The following CCDC39 variants were observed in gnomAD, a reference collection of about 807,000 sequenced individuals.
The protein encoded by CCDC39 is coiled-coil domain 39 molecular ruler complex subunit, also known as coiled-coil domain-containing protein 39.
In CCDC39, 113 loss-of-function variants were observed where a neutral mutation model predicts 121.0. The ratio of observed to expected loss-of-function variants is 0.93; its 90% CI spans 0.80 to 1.09. The LOEUF is 1.09. CCDC39 is among the 50% of genes least tolerant of loss of function. The pLI is 0.00. For missense variants in CCDC39, 1,063 were observed against 1,074.7 expected (o/e 0.99, Z 0.15); for synonymous variants, 349 against 352.2 (o/e 0.99, Z 0.10).
intron 1 of CCDC39, among the ~76,000 whole-genome samples, chr3:180,673,862 T>C (rs963841391): frequency 6.6e-6 from 1 of 151,338 alleles, no homozygotes; most frequent in Non-Finnish European, 1.5e-5. Flanking sequence ...CTTGAAGAGC[T>C]GATGCTTTAA....
At chr3:180,619,495 A>C (rs1226841304) in intron 15 of CCDC39, 130 bp from the exon 16 acceptor site, 1 of 635,746 alleles carries the variant, frequency 1.6e-6, no homozygotes, top group Non-Finnish European at 2.7e-6. Flanking sequence ...TTGTAGAAAA[A>C]CACTATGGGC....
chr3:180,627,949 C>T lies in CCDC39; in HGVS notation c.1998+3520G>A, dbSNP rs547491016. 9.2e-5 allele frequency among the ~76,000 whole-genome samples: 14 copies of T among 152,264 alleles called. No individual in the cohort carries two copies. The South Asian group carries it at 2.9e-3, about 32-fold the overall frequency. ...TGGAGGTCATTAGGTTGGTCCTAAT[C>T]TGATATAACTGGTATCCTTATTAAA... On this transcript the variant is annotated intron_variant, in intron 14 of 19. Coordinates refer to ENST00000476379, the MANE Select transcript of CCDC39 (RefSeq NM_181426.2).
intron 11 of CCDC39, 121 bp downstream of exon 11, chr3:180,646,958 C>G: frequency 2.5e-6 from 2 of 791,686 alleles, no homozygotes; most frequent in Non-Finnish European, 4.0e-6. Flanking sequence ...ATTGTTCATA[C>G]ATTTGTTATA....
rs193203051 is a variant in CCDC39, at chr3:180,653,058, A to G, written c.931-792T>C. On this transcript the variant is annotated intron_variant, in intron 7 of 19. Transcript: ENST00000476379. ...GATTGGAAGAATTAATACTGTTAAC[A>G]TGGTCATACTATTCAAAGCGATCTA... Among the ~76,000 whole-genome samples the G allele has an allele frequency of 1.1e-4, 17 of 152,348 alleles. No homozygotes were observed. In the East Asian group the frequency reaches 3.1e-3, roughly 28 times the overall value.
chr3:180,620,250 CAA>C (rs996647173), intron 14 of CCDC39, among the ~76,000 whole-genome samples: 2 of 151,338 alleles, frequency 1.3e-5, no homozygotes, highest in Non-Finnish European at 2.9e-5. Flanking sequence ...CAAAAATTGC[CAA>C]AGAGTTAATC....
At chr3:180,635,730 T>C (rs1282622646) in intron 13 of CCDC39, among the ~76,000 whole-genome samples, 1 of 152,234 alleles carries the variant, frequency 6.6e-6, no homozygotes, top group East Asian at 1.9e-4. Context: ...CCCCTGTGGC[T>C]GCCTTCACAG....
intron 13 of CCDC39, among the ~76,000 whole-genome samples, chr3:180,638,475 A>G (rs921280814): frequency 6.6e-6 from 1 of 152,168 alleles, no homozygotes; most frequent in African/African-American, 2.4e-5. Context: ...ATGACAAGGG[A>G]TACATGAAAA....
At chr3:180,672,827 CCTT>C (rs1303474753) in intron 1 of CCDC39, among the ~76,000 whole-genome samples, 5 of 152,074 alleles carry the variant, frequency 3.3e-5, no homozygotes, top group Non-Finnish European at 5.9e-5. Flanking sequence ...AAATTGAAAA[CCTT>C]CTGGAAAGGA....
At chr3:180,648,093 G>C (rs1020339253) in intron 10 of CCDC39, 72 bp downstream of exon 10, 2 of 1,233,822 alleles carry the variant, frequency 1.6e-6, no homozygotes, top group African/African-American at 3.1e-5. Context: ...TGTTTTCTTA[G>C]AACATGGCGT....
intron 14 of CCDC39, among the ~76,000 whole-genome samples, chr3:180,621,635 T>C (rs1029350405): frequency 6.6e-6 from 1 of 152,074 alleles, no homozygotes; most frequent in African/African-American, 2.4e-5. Context: ...CATGGGTAAA[T>C]TGTGTGTCAT....
At chr3:180,676,520 T>C (rs1560096915) in intron 1 of CCDC39, among the ~76,000 whole-genome samples, 1 of 152,202 alleles carries the variant, frequency 6.6e-6, no homozygotes, top group Non-Finnish European at 1.5e-5. Context: ...TGTGGAGAAA[T>C]AGGAACACTT....
At chr3:180,616,484 T>A (rs1361294678) in intron 18 of CCDC39, 32 bp downstream of exon 18, 4 of 1,507,940 alleles carry the variant, frequency 2.7e-6, no homozygotes, top group South Asian at 2.7e-5. Flanking sequence ...ATGAAGTTTT[T>A]AAGAAATATT....
intron 16 of CCDC39, among the ~76,000 whole-genome samples, chr3:180,618,552 T>TC (rs530085542): frequency 1.7e-3 from 257 of 151,972 alleles, no homozygotes; most frequent in African/African-American, 5.9e-3. Context: ...TGCTATCCCT[T>TC]CCCCCTCTCC....
intron 13 of CCDC39, among the ~76,000 whole-genome samples, chr3:180,635,395 C>G (rs1407848677): frequency 6.6e-6 from 1 of 152,084 alleles, no homozygotes; most frequent in African/African-American, 2.4e-5. Context: ...CTCACTCCAG[C>G]ATTAACTCAA....
chr3:180,630,099 G>C lies in CCDC39; in HGVS notation c.1998+1370C>G, dbSNP rs185535096. Among the ~76,000 whole-genome samples, 16 of 152,118 alleles carry C rather than the reference G, an allele frequency of 1.1e-4. No homozygotes were observed. In the East Asian group the frequency reaches 2.9e-3, roughly 28 times the overall value. Reference sequence around the variant, plus strand: ...CACATGGTTAAGTAACTTATTCCTGGTCACCTACCGAAGCAGTGGTAGGAT... The same window carrying C: ...CACATGGTTAAGTAACTTATTCCTGCTCACCTACCGAAGCAGTGGTAGGAT... On this transcript the variant is annotated intron_variant, in intron 14 of 19. Transcript: ENST00000476379.
chr3:180,614,657 G>T lies in CCDC39; in HGVS notation c.*264C>A. On this transcript the variant is annotated 3_prime_UTR_variant, in exon 20 of 20. Coordinates refer to ENST00000476379, the MANE Select transcript of CCDC39 (RefSeq NM_181426.2). ...GAAGCAAACTATTTTCTAACACTAC[G>T]AACATCAGAATTACAGTGAAATACA... 6.0e-6 allele frequency: 2 copies of T among 333,382 alleles called. No homozygotes were observed. Among genetic ancestry groups the T allele is most frequent in the Non-Finnish European group, 1.1e-5 (2 of 184,246 alleles). 20.7% of individuals were successfully genotyped at this position (333,382 alleles called of 1,614,324 possible).
intron 8 of CCDC39, 76 bp downstream of exon 8, chr3:180,652,086 AT>A (rs1212390939): frequency 2.4e-6 from 2 of 820,478 alleles, no homozygotes; most frequent in African/African-American, 3.6e-5. Context: ...TAAACAACAA[AT>A]AGTCTTAAGT....
At position 180,654,803 on chromosome 3, in the gene CCDC39, A is replaced by G. The variant is rs1463973692; in HGVS notation, c.889T>C (p.Tyr297His). ...ATTCTACTAGTTTCATGGTCCTGAT[A>G]TGCCGTTCTACATTTTAAAAGTTTA... Reference protein sequence around the residue: ...DRKLLKCRTAYQDHETSRIQL... With the variant: ...DRKLLKCRTAHQDHETSRIQL... The change falls in exon 7 of 20, where the codon TAT becomes CAT. Residue 297 changes from tyrosine (Y) to histidine (H), a missense_variant. Transcript: ENST00000476379. 8 of 1,611,090 alleles carry G rather than the reference A, an allele frequency of 5.0e-6. No homozygotes were observed. Among genetic ancestry groups the G allele is most frequent in the South Asian group, 1.1e-5 (1 of 90,464 alleles).
intron 14 of CCDC39, among the ~76,000 whole-genome samples, chr3:180,622,622 G>A (rs552756000): frequency 1.0e-3 from 152 of 152,208 alleles, no homozygotes; most frequent in African/African-American, 3.5e-3. Context: ...TGTCATGAAG[G>A]AATGCTGAAT....
Sources: allele counts gnomAD v4.1 joint callset (sites outside exome capture counted in the v4.1 genomes callset), GRCh38; gene constraint gnomAD v4.1.1; transcripts MANE v1.5; gene names NCBI Gene and HGNC (gene_info 2026-07-23, HGNC 2026-07-21).